PPM1B: variants seen among roughly 807,000 people sequenced by gnomAD.
PPM1B encodes the protein protein phosphatase, Mg2+/Mn2+ dependent 1B, also known as protein phosphatase 1B.
PPM1B carries 22 observed loss-of-function variants against 43.0 expected under a neutral mutation model. The ratio of observed to expected loss-of-function variants is 0.51; its 90% CI spans 0.37 to 0.73. PPM1B has a LOEUF of 0.73. Ranked by LOEUF, PPM1B falls within the 30% of genes least tolerant of loss-of-function variation. PPM1B has a pLI of 0.00. For synonymous variants in PPM1B, 217 were observed against 197.9 expected (o/e 1.10, Z -0.81); for missense variants, 632 against 584.2 (o/e 1.08, Z -0.84).
intron 1 of PPM1B, among the ~76,000 whole-genome samples, chr2:44,182,268 T>A (rs971224657): frequency 6.6e-6 from 1 of 152,194 alleles, no homozygotes; most frequent in Non-Finnish European, 1.5e-5. Context: ...TTTATTTATT[T>A]ATTTTTTTGA....
At chr2:44,244,482 A>G (rs1417669981), downstream of PPM1B, 3 of 905,826 alleles carry the variant, frequency 3.3e-6, no homozygotes, top group Non-Finnish European at 2.8e-6. Flanking sequence ...TTTCCTGTCC[A>G]TGTGATAAAC....
downstream of PPM1B, among the ~76,000 whole-genome samples, chr2:44,238,860 C>G (rs114906475): frequency 0.014 from 2,066 of 151,948 alleles, 29 homozygotes; most frequent in Non-Finnish European, 0.016. Context: ...TAATTAAATC[C>G]AATAACTTTA....
intron 1 of PPM1B, among the ~76,000 whole-genome samples, chr2:44,185,487 T>C (rs1191174253): frequency 3.9e-5 from 6 of 152,206 alleles, no homozygotes; most frequent in Non-Finnish European, 7.4e-5. Flanking sequence ...AACAAAGCTA[T>C]TTCCATTTTA....
intron 3 of PPM1B, among the ~76,000 whole-genome samples, chr2:44,216,614 T>C (rs1264584895): frequency 3.9e-5 from 6 of 152,140 alleles, no homozygotes; most frequent in Non-Finnish European, 7.4e-5. Context: ...ACATATAAAA[T>C]TGAAACCTCA....
chr2:44,188,245 T>C (rs1668220784), intron 1 of PPM1B, among the ~76,000 whole-genome samples: 1 of 152,192 alleles, frequency 6.6e-6, no homozygotes, highest in Non-Finnish European at 1.5e-5. Flanking sequence ...CATCCTGTTA[T>C]TCTATGGAAG....
At position 44,218,464 on chromosome 2, in the gene PPM1B, TG is replaced by T. The variant is rs750469504; in HGVS notation, c.1077-15del. 164 of 1,500,404 alleles carry T rather than the reference TG, an allele frequency of 1.1e-4. No homozygotes were observed. Among genetic ancestry groups the T allele is most frequent in the Middle Eastern group, 3.4e-4 (2 of 5,798 alleles). 92.9% of individuals were successfully genotyped at this position (1,500,404 alleles called of 1,614,324 possible). On this transcript the variant is annotated splice_polypyrimidine_tract_variant and intron_variant, in intron 4 of 5. Coordinates refer to ENST00000282412, the MANE Select transcript of PPM1B (RefSeq NM_002706.6). ...TGTGTAATTTAATAAAACTAAAGCA[TG>T]TTTTTTTTTTTTAGGCGTAATGTTA...
At chr2:44,244,625 G>A (rs186345397), downstream of PPM1B, among the ~76,000 whole-genome samples, 1 of 152,054 alleles carries the variant, frequency 6.6e-6, no homozygotes, top group East Asian at 1.9e-4. Flanking sequence ...TTTCTAAACG[G>A]TTAAGACCGT....
At chr2:44,188,743 C>T (rs867802327) in intron 1 of PPM1B, among the ~76,000 whole-genome samples, 3 of 145,118 alleles carry the variant, frequency 2.1e-5, no homozygotes, top group South Asian at 4.4e-4. Flanking sequence ...TCCTTCTTTC[C>T]TTCCTTCCTT....
At chr2:44,193,195 A>G (rs1370842721) in intron 1 of PPM1B, among the ~76,000 whole-genome samples, 1 of 152,192 alleles carries the variant, frequency 6.6e-6, no homozygotes, top group Non-Finnish European at 1.5e-5. Flanking sequence ...CAGTGTACAA[A>G]GGTTCACTTT....
chr2:44,243,191 G>A (rs540113675), intron 5 of PPM1B, among the ~76,000 whole-genome samples: 2 of 152,216 alleles, frequency 1.3e-5, no homozygotes, highest in South Asian at 4.1e-4. Context: ...CTAGAGAGAG[G>A]GCTAAGATGC....
chr2:44,213,660 A>G (rs1315786372), intron 3 of PPM1B: 1 of 152,154 alleles, frequency 6.6e-6, no homozygotes. Flanking sequence ...TTTTGCACCT[A>G]CAATTTCCTC....
At chr2:44,187,302 A>T (rs561209089) in intron 1 of PPM1B, among the ~76,000 whole-genome samples, 1 of 152,120 alleles carries the variant, frequency 6.6e-6, no homozygotes, top group South Asian at 2.1e-4. Flanking sequence ...TTGTTTATCC[A>T]TTCGTTTGTC....
chr2:44,173,702 G>A (rs1667455863), intron 1 of PPM1B, among the ~76,000 whole-genome samples: 1 of 152,096 alleles, frequency 6.6e-6, no homozygotes, highest in African/African-American at 2.4e-5. Context: ...CAGTACTTTG[G>A]GAGCCCGAGG....
downstream of PPM1B, among the ~76,000 whole-genome samples, chr2:44,245,766 A>G (rs1670843171): frequency 6.6e-6 from 1 of 152,138 alleles, no homozygotes; most frequent in Non-Finnish European, 1.5e-5. Context: ...ACTGCCTGTA[A>G]CCAAATTGCT....
chr2:44,182,353 G>T (rs139435100), intron 1 of PPM1B, among the ~76,000 whole-genome samples: 4,387 of 152,162 alleles, frequency 0.029, 217 homozygotes, highest in African/African-American at 0.099. Context: ...TCCGCCTCCT[G>T]GGTTCAAGTG....
chr2:44,222,992 G>A (rs1002855712), intron 5 of PPM1B, among the ~76,000 whole-genome samples: 8 of 151,852 alleles, frequency 5.3e-5, no homozygotes, highest in Non-Finnish European at 7.4e-5. Context: ...CACCACACTC[G>A]GCTAATTTTT....
rs370337823 is a variant in PPM1B at position 44,231,181 on chromosome 2, G to A, written c.*463G>A. On this transcript the variant is annotated 3_prime_UTR_variant, in exon 6 of 6. Transcript: ENST00000282412. ...TTCAAAGAATGGCTGATGCTGGCCT[G>A]TAATTTTTCTTTCAAGGATGATAAT... 1.2e-5 allele frequency: 12 copies of A among 983,388 alleles called. No individual in the cohort carries two copies. In the Admixed American group the frequency reaches 6.8e-4, roughly 55 times the overall value. 60.9% of individuals were successfully genotyped at this position (983,388 alleles called of 1,614,324 possible).
chr2:44,198,688 C>T (rs1173523855), intron 1 of PPM1B, among the ~76,000 whole-genome samples: 3 of 151,976 alleles, frequency 2.0e-5, no homozygotes, highest in African/African-American at 4.8e-5. Context: ...ATAAGAGGTA[C>T]GAGGGCCATT....
At chr2:44,195,678 A>G (rs957036062) in intron 1 of PPM1B, among the ~76,000 whole-genome samples, 2 of 152,202 alleles carry the variant, frequency 1.3e-5, no homozygotes, top group East Asian at 1.9e-4. Flanking sequence ...TCCTGTCTCT[A>G]AAAATAAAAA....
Sources: allele counts gnomAD v4.1 joint callset (sites outside exome capture counted in the v4.1 genomes callset), GRCh38; gene constraint gnomAD v4.1.1; transcripts MANE v1.5; gene names NCBI Gene and HGNC (gene_info 2026-07-23, HGNC 2026-07-21).